Variants in NSMCE3 observed in about 807,000 individuals in gnomAD.
NSMCE3 encodes the protein non-structural maintenance of chromosomes element 3 homolog.
For missense variants in NSMCE3, 452 were observed against 399.5 expected (o/e 1.13, Z -1.12); for synonymous variants, 214 against 172.2 (o/e 1.24, Z -1.90).
rs767960547 is a variant in NSMCE3 at position 29,269,264 on chromosome 15, T to A, written c.442A>T (p.Lys148Ter). The A allele has an allele frequency of 6.2e-7, 1 of 1,614,148 alleles. No homozygotes were observed. Among genetic ancestry groups the A allele is most frequent in the Admixed American group, 1.7e-5 (1 of 60,030 alleles). ...TTGATGAGGATGTAAGTGTTGCTCT[T>A]GGGTTCAAGTTCCACCAGCTTATAC... ...FGYKLVELEP[K>*]SNTYILINTL... The change falls in exon 1 of 1, where the codon AAG becomes TAG. Residue 148 changes from lysine (K) to a stop codon, truncating the protein, a stop_gained. Coordinates refer to ENST00000332303, the MANE Select transcript of NSMCE3 (RefSeq NM_138704.4). LOFTEE classifies it low-confidence loss of function (END_TRUNC).
chr15:29,267,371 G>A lies in NSMCE3; in HGVS notation c.*1420C>T, dbSNP rs2043502362. 6.6e-6 allele frequency: 1 copy of A among 152,164 alleles called. No individual in the cohort carries two copies. The highest frequency in any genetic ancestry group is 2.1e-4 in the South Asian group (1 of 4,820). The allele number at this position is 152,164 out of a possible 1,614,324, so 9.4% of individuals were successfully genotyped here. ...TACACGTAATGGAGGAACACAATGG[G>A]ACTATGAACTCTTCTAGTTCATTTA... On this transcript the variant is annotated 3_prime_UTR_variant, in exon 1 of 1. Coordinates refer to ENST00000332303, the MANE Select transcript of NSMCE3 (RefSeq NM_138704.4).
At position 29,269,724 on chromosome 15, in the gene NSMCE3, C is replaced by CT. The variant is rs2043572587; in HGVS notation, c.-20_-19insA. The CT allele has an allele frequency of 4.0e-6, 6 of 1,500,738 alleles. No homozygotes were observed. Among genetic ancestry groups the CT allele is most frequent in the Non-Finnish European group, 4.4e-6 (5 of 1,133,632 alleles). 93.0% of individuals were successfully genotyped at this position (1,500,738 alleles called of 1,614,324 possible). On this transcript the variant is annotated 5_prime_UTR_variant, in exon 1 of 1. Coordinates refer to ENST00000332303, the MANE Select transcript of NSMCE3 (RefSeq NM_138704.4). ...GCAACATGTCTCCGGCGGCAGGTGC[C>CT]GGCGCACACTCCGGTAGGCAAGCAG...
In NSMCE3 at chr15:29,268,800, T is replaced by G. The variant is rs994568010; in HGVS notation, c.906A>C (p.Pro302=). ...RARPQPSGPA[P]SS ...CCTCTGAATCCACCTTTCAAGAGGATGGAGCTGGGCCACTAGGCTGAGGTC... is the reference window on the plus strand; with the variant it reads ...CCTCTGAATCCACCTTTCAAGAGGAGGGAGCTGGGCCACTAGGCTGAGGTC... The change falls in exon 1 of 1, where the codon CCA becomes CCC. Residue 302 remains proline, a synonymous_variant. Coordinates refer to ENST00000332303, the MANE Select transcript of NSMCE3 (RefSeq NM_138704.4). The G allele has an allele frequency of 6.2e-7, 1 of 1,605,864 alleles. No individual in the cohort carries two copies. Among genetic ancestry groups the G allele is most frequent in the South Asian group, 1.1e-5 (1 of 90,482 alleles).
rs147308690 is a variant in NSMCE3 at position 29,268,814 on chromosome 15, T to C, written c.892A>G (p.Ser298Gly). ...DEENRARPQPSGPAPSS is the reference protein window; with the variant it reads ...DEENRARPQPGGPAPSS ...TTTCAAGAGGATGGAGCTGGGCCAC[T>C]AGGCTGAGGTCTGGCCCTGTTCTCC... The change falls in exon 1 of 1, where the codon AGT (serine) becomes GGT (glycine). Residue 298 changes from serine to glycine, a missense_variant. Physicochemically the swap from Ser to Gly is moderately conservative, Grantham distance 56. Coordinates refer to ENST00000332303, the MANE Select transcript of NSMCE3 (RefSeq NM_138704.4). 1.2e-6 allele frequency: 2 copies of C among 1,610,962 alleles called. No individual in the cohort carries two copies. Among genetic ancestry groups the C allele is most frequent in the Non-Finnish European group, 1.7e-6 (2 of 1,177,768 alleles).
rs973501984 is a variant in NSMCE3, at chr15:29,268,310, A to G, written c.*481T>C. 2.0e-5 allele frequency: 3 copies of G among 153,312 alleles called. No homozygotes were observed. The highest frequency in any genetic ancestry group is 7.2e-5 in the African/African-American group (3 of 41,506). 9.5% of individuals were successfully genotyped at this position (153,312 alleles called of 1,614,324 possible). ...ACACTCATTGCTTGGAACCATGAAT[A>G]ATACTTATATATGTACGAAATATAG... On this transcript the variant is annotated 3_prime_UTR_variant, in exon 1 of 1. Transcript: ENST00000332303.
chr15:29,269,661 G>A lies in NSMCE3; in HGVS notation c.45C>T (p.Ala15=), dbSNP rs759733725. Residue 15 remains alanine (A), a synonymous_variant, in exon 1 of 1, where the codon GCC becomes GCT. Coordinates refer to ENST00000332303, the MANE Select transcript of NSMCE3 (RefSeq NM_138704.4). Reference sequence around the variant, plus strand: ...TATGGCTCCAGTCTCTGTCCCTCTCGGCCTGGCCGCCAGAGCGGCCCCGGT... The same window carrying A: ...TATGGCTCCAGTCTCTGTCCCTCTCAGCCTGGCCGCCAGAGCGGCCCCGGT... ...PRNRGRSGGQ[A]ERDRDWSHSG... The A allele has an allele frequency of 6.4e-7, 1 of 1,563,998 alleles. No homozygotes were observed. Among genetic ancestry groups the A allele is most frequent in the East Asian group, 2.6e-5 (1 of 38,690 alleles).
rs961786176 is a variant in NSMCE3 at position 29,267,575 on chromosome 15, A to C, written c.*1216T>G. On this transcript the variant is annotated 3_prime_UTR_variant, in exon 1 of 1. Transcript: ENST00000332303. ...CCCTTTTCCCTATACCTAACTCCCTAGGAGGTAGATCTTATGTCCTGCTCT... is the reference window on the plus strand; with the variant it reads ...CCCTTTTCCCTATACCTAACTCCCTCGGAGGTAGATCTTATGTCCTGCTCT... 2.0e-5 allele frequency: 3 copies of C among 152,022 alleles called. No homozygotes were observed. The highest frequency in any genetic ancestry group is 4.4e-5 in the Non-Finnish European group (3 of 67,922). The allele number at this position is 152,022 out of a possible 1,614,324, so 9.4% of individuals were successfully genotyped here.
chr15:29,269,634 G>A lies in NSMCE3; in HGVS notation c.72C>T (p.Ser24=). The part of the protein sequence containing the change: ...QAERDRDWSH[S]GNPGASRAGE... ...CGGCCCGCGAAGCCCCGGGGTTTCC[G>A]CTATGGCTCCAGTCTCTGTCCCTCT... The change falls in exon 1 of 1, where the codon AGC becomes AGT. Residue 24 remains serine, a synonymous_variant. Coordinates refer to ENST00000332303, the MANE Select transcript of NSMCE3 (RefSeq NM_138704.4). 6.4e-7 allele frequency: 1 copy of A among 1,572,592 alleles called. No individual in the cohort carries two copies. The highest frequency in any genetic ancestry group is 8.6e-7 in the Non-Finnish European group (1 of 1,163,688).
rs1351432656 is a variant in NSMCE3 at position 29,268,971 on chromosome 15, G to C, written c.735C>G (p.Asp245Glu). ...TTCGCGGGCCCCACTGGAATTCGTA[G>C]TCGACGGGGTCGGTGTGGGGTATCC... ...YRRIPHTDPVDYEFQWGPRTN... is the reference protein window; with the variant it reads ...YRRIPHTDPVEYEFQWGPRTN... Residue 245 changes from aspartate (D) to glutamate (E), a missense_variant, in exon 1 of 1, where the codon GAC becomes GAG. Coordinates refer to ENST00000332303, the MANE Select transcript of NSMCE3 (RefSeq NM_138704.4). 1 of 1,614,194 alleles carries C rather than the reference G, an allele frequency of 6.2e-7. No individual in the cohort carries two copies. Among genetic ancestry groups the C allele is most frequent in the East Asian group, 2.2e-5 (1 of 44,888 alleles).
At position 29,269,643 on chromosome 15, in the gene NSMCE3, C is replaced by T; in HGVS notation, c.63G>A (p.Trp21Ter). 6.3e-7 allele frequency: 1 copy of T among 1,576,354 alleles called. No homozygotes were observed. Among genetic ancestry groups the T allele is most frequent in the Non-Finnish European group, 8.6e-7 (1 of 1,165,504 alleles). ...SGGQAERDRDWSHSGNPGASR... is the reference protein window; with the variant it reads ...SGGQAERDRD ...AAGCCCCGGGGTTTCCGCTATGGCT[C>T]CAGTCTCTGTCCCTCTCGGCCTGGC... Residue 21 changes from tryptophan (W) to a stop codon, truncating the protein, a stop_gained, in exon 1 of 1, where the codon TGG becomes TGA. Coordinates refer to ENST00000332303, the MANE Select transcript of NSMCE3 (RefSeq NM_138704.4). LOFTEE classifies it low-confidence loss of function (END_TRUNC).
In NSMCE3 at chr15:29,268,139, C is replaced by T. The variant is rs2043520094; in HGVS notation, c.*652G>A. ...CTCTCATGACCCACGATTTAAAAAA[C>T]ACACAATGCTTAAGTGCTTCAAAAA... is the stretch of plus-strand genomic sequence containing the variant. On this transcript the variant is annotated 3_prime_UTR_variant, in exon 1 of 1. Coordinates refer to ENST00000332303, the MANE Select transcript of NSMCE3 (RefSeq NM_138704.4). The T allele has an allele frequency of 1.3e-5, 2 of 152,164 alleles. No individual in the cohort carries two copies. The highest frequency in any genetic ancestry group is 4.1e-4 in the South Asian group (2 of 4,824). The allele number at this position is 152,164 out of a possible 1,614,324, so 9.4% of individuals were successfully genotyped here. A position where few individuals can be genotyped will look rare whatever the true frequency, so the allele number is the denominator to read the frequency against.
At position 29,269,182 on chromosome 15, in the gene NSMCE3, G is replaced by A. The variant is rs747029311; in HGVS notation, c.524C>T (p.Thr175Ile). 103 of 1,614,072 alleles carry A rather than the reference G, an allele frequency of 6.4e-5. 1 individual carries two copies. The Admixed American group carries it at 1.7e-3, about 26-fold the overall frequency. ...AEMRGDQGTP[T>I]TGLLMIVLGL... is the part of the protein sequence containing the mutation. ...TAAGACGATCATCAGGAGGCCCGTA[G>A]TGGGCGTGCCTTGGTCACCCCTCAT... Residue 175 changes from threonine to isoleucine, a missense_variant, in exon 1 of 1, where the codon ACT becomes ATT. Coordinates refer to ENST00000332303, the MANE Select transcript of NSMCE3 (RefSeq NM_138704.4).
chr15:29,268,991 G>A lies in NSMCE3; in HGVS notation c.715C>T (p.Pro239Ser). 6.2e-7 allele frequency: 1 copy of A among 1,614,116 alleles called. No individual in the cohort carries two copies. Among genetic ancestry groups the A allele is most frequent in the Non-Finnish European group, 8.5e-7 (1 of 1,180,032 alleles). ...RQRYLEYRRI[P>S]HTDPVDYEFQ... ...TCGTAGTCGACGGGGTCGGTGTGGG[G>A]TATCCGCCGGTATTCCAGGTAACGC... Residue 239 changes from proline to serine, a missense_variant, in exon 1 of 1, where the codon CCC (proline) becomes TCC (serine). Pro to Ser is a moderately conservative substitution (Grantham distance 74). Coordinates refer to ENST00000332303, the MANE Select transcript of NSMCE3 (RefSeq NM_138704.4).
In NSMCE3 at chr15:29,265,997, G is replaced by GT. The variant is rs1187332751; in HGVS notation, c.*2793dup. The stretch of plus-strand genomic sequence containing the variant: ...GTAGCTCTTATAAACACTAATGATC[G>GT]TAACACATTTAGGTCAAATGATCTG... On this transcript the variant is annotated 3_prime_UTR_variant, in exon 1 of 1. Transcript: ENST00000332303. 1 of 152,152 alleles carries GT rather than the reference G, an allele frequency of 6.6e-6. No homozygotes were observed. Among genetic ancestry groups the GT allele is most frequent in the Non-Finnish European group, 1.5e-5 (1 of 68,024 alleles). The allele number at this position is 152,152 out of a possible 1,614,324, so 9.4% of individuals were successfully genotyped here.
At position 29,269,814 on chromosome 15, in the gene NSMCE3, G is replaced by T. The variant is rs563387244; in HGVS notation, c.-109C>A. On this transcript the variant is annotated 5_prime_UTR_variant, in exon 1 of 1. Transcript: ENST00000332303. ...GTGCCTGGAGGCGCGCGCAGTGTCGGCTGAGACTGCGTGCTGCGTCATGAA... is the reference window on the plus strand; with the variant it reads ...GTGCCTGGAGGCGCGCGCAGTGTCGTCTGAGACTGCGTGCTGCGTCATGAA... 2,489 of 1,051,886 alleles carry T rather than the reference G, an allele frequency of 2.4e-3. 9 individuals carry two copies. Among genetic ancestry groups the T allele is most frequent in the Non-Finnish European group, 3.0e-3 (2,296 of 776,236 alleles). The allele number at this position is 1,051,886 out of a possible 1,614,324, so 65.2% of individuals were successfully genotyped here. A position where few individuals can be genotyped will look rare whatever the true frequency, so the allele number is the denominator to read the frequency against.
At position 29,269,313 on chromosome 15, in the gene NSMCE3, G is replaced by A; in HGVS notation, c.393C>T (p.Ala131=). The change falls in exon 1 of 1, where the codon GCC becomes GCT. Residue 131 remains alanine (A), a synonymous_variant. Transcript: ENST00000332303. ...ACCCGAAGACGTACTGGAGGCGCTC[G>A]GCGGCCCGTTTGAAGAGGTCGGGGA... ...DIFPDLFKRA[A]ERLQYVFGYK... 1 of 1,614,178 alleles carries A rather than the reference G, an allele frequency of 6.2e-7. No homozygotes were observed. Among genetic ancestry groups the A allele is most frequent in the Non-Finnish European group, 8.5e-7 (1 of 1,180,026 alleles).
At position 29,268,635 on chromosome 15, in the gene NSMCE3, TA is replaced by T; in HGVS notation, c.*155del. 2 of 633,270 alleles carry T rather than the reference TA, an allele frequency of 3.2e-6. No homozygotes were observed. The highest frequency in any genetic ancestry group is 4.9e-6 in the Non-Finnish European group (2 of 405,564). 39.2% of individuals were successfully genotyped at this position (633,270 alleles called of 1,614,324 possible). ...AATCTGGAGCAAAATAACACAACAT[TA>T]AAAAAACAAAACTTTGCAAACACAT... On this transcript the variant is annotated 3_prime_UTR_variant, in exon 1 of 1. Coordinates refer to ENST00000332303, the MANE Select transcript of NSMCE3 (RefSeq NM_138704.4).
Position 29,267,840 on chromosome 15 carries a change from A to C in NSMCE3, c.*951T>G, listed in dbSNP as rs2043513509. On this transcript the variant is annotated 3_prime_UTR_variant, in exon 1 of 1. Transcript: ENST00000332303. ...CGGACTAAAACCATTTTACAGGTCA[A>C]GAAACATCTGCATACAAACTAAGGA... is the stretch of plus-strand genomic sequence containing the variant. 6.6e-6 allele frequency: 1 copy of C among 152,262 alleles called. No individual in the cohort carries two copies. The highest frequency in any genetic ancestry group is 6.5e-5 in the Admixed American group (1 of 15,288). 9.4% of individuals were successfully genotyped at this position (152,262 alleles called of 1,614,324 possible).
chr15:29,269,437 G>C lies in NSMCE3; in HGVS notation c.269C>G (p.Ser90Cys), dbSNP rs772676593. Residue 90 changes from serine to cysteine, a missense_variant, in exon 1 of 1, where the codon TCC becomes TGC. Ser to Cys is a moderately radical substitution (Grantham distance 112, BLOSUM62 -1). Transcript: ENST00000332303. ...AATCAGCAAGAACTGCACCAGCTCG[G>C]ACACTTTCAGCTCCAGCTGCTTCTG... ...RSQKQLELKV[S>C]ELVQFLLIKD... 2.7e-5 allele frequency: 43 copies of C among 1,613,968 alleles called. No individual in the cohort carries two copies. The highest frequency in any genetic ancestry group is 1.9e-5 in the Non-Finnish European group (22 of 1,180,034).
Sources: gnomAD v4.1 joint callset for allele counts on GRCh38, gnomAD v4.1.1 for gene constraint, MANE v1.5 for transcripts, NCBI Gene and HGNC (gene_info 2026-07-23, HGNC 2026-07-21) for gene names.